PRKG1: variants seen among roughly 807,000 people sequenced by gnomAD.
PRKG1 encodes protein kinase cGMP-dependent 1.
A neutral mutation model predicts 88.1 loss-of-function variants in PRKG1; 35 were observed. The ratio of observed to expected loss-of-function variants is 0.40; its 90% CI spans 0.30 to 0.53. The LOEUF (loss-of-function observed/expected upper bound fraction) is 0.53, where lower values mean the gene tolerates loss of function less well. PRKG1 is among the 20% of genes least tolerant of loss of function. PRKG1 has a pLI of 0.59. For missense variants in PRKG1, 540 were observed against 839.8 expected, an observed-to-expected ratio of 0.64 and a Z score of 4.41; for synonymous variants, 303 against 292.5, an observed-to-expected ratio of 1.04 and a Z score of -0.37.
intron 8 of PRKG1, among the ~76,000 whole-genome samples, chr10:52,137,833 A>G (rs12782150): frequency 0.17 from 25,666 of 152,064 alleles, 2,580 homozygotes; most frequent in South Asian, 0.28. Context: ...GGCTGACTGT[A>G]TACTTTTGTA....
At chr10:51,727,142 T>C (rs1029266179) in intron 3 of PRKG1, among the ~76,000 whole-genome samples, 1 of 152,050 alleles carries the variant, frequency 6.6e-6, no homozygotes, top group African/African-American at 2.4e-5. Flanking sequence ...AACGAATGTC[T>C]TTTAAAGAAT....
rs190333135 is a variant in PRKG1, at chr10:52,156,180, A to C, written c.1002-5709A>C. Among the ~76,000 whole-genome samples, 94 of 151,944 alleles carry C rather than the reference A, an allele frequency of 6.2e-4. 1 individual carries two copies. Among genetic ancestry groups the C allele is most frequent in the Non-Finnish European group, 1.1e-3 (75 of 67,794 alleles). ...GTGTGTGTAAGTGTCTCTTGCAAAT[A>C]TAAACATGTGCATGATAAGAAAATA... On this transcript the variant is annotated intron_variant, in intron 8 of 17. Coordinates refer to ENST00000373980, the MANE Select transcript of PRKG1 (RefSeq NM_006258.4).
chr10:51,740,629 T>C (rs1200530898), intron 3 of PRKG1, among the ~76,000 whole-genome samples: 1 of 152,168 alleles, frequency 6.6e-6, no homozygotes, highest in African/African-American at 2.4e-5. Flanking sequence ...GAGAAAATAT[T>C]AGTATAAATG....
intron 3 of PRKG1, among the ~76,000 whole-genome samples, chr10:51,484,783 T>G (rs1253555243): frequency 6.6e-6 from 1 of 152,172 alleles, no homozygotes; most frequent in Non-Finnish European, 1.5e-5. Flanking sequence ...AAATCTGAAT[T>G]GTTATGCCTG....
chr10:51,541,586 T>A (rs1279065288), intron 3 of PRKG1, among the ~76,000 whole-genome samples: 2 of 152,184 alleles, frequency 1.3e-5, no homozygotes, highest in Non-Finnish European at 2.9e-5. Context: ...AAATGGGTAA[T>A]GGTCAAATAA....
At chr10:51,310,626 T>C (rs988423181) in intron 2 of PRKG1, among the ~76,000 whole-genome samples, 4 of 152,202 alleles carry the variant, frequency 2.6e-5, no homozygotes, top group Admixed American at 1.3e-4. Context: ...TTTTTGCTAC[T>C]ATGTAACTAT....
intron 5 of PRKG1, among the ~76,000 whole-genome samples, chr10:51,961,323 T>G (rs1251589897): frequency 6.6e-6 from 1 of 152,106 alleles, no homozygotes; most frequent in Non-Finnish European, 1.5e-5. Flanking sequence ...GGAATACTGT[T>G]TTTGATCTGC....
intron 7 of PRKG1, among the ~76,000 whole-genome samples, chr10:52,064,695 C>T (rs932914770): frequency 6.6e-6 from 1 of 152,168 alleles, no homozygotes; most frequent in Non-Finnish European, 1.5e-5. Context: ...GGCCCACAGT[C>T]GTGGCTTAGG....
chr10:51,907,590 G>T lies in PRKG1; in HGVS notation c.762+20G>T. 1.2e-6 allele frequency: 2 copies of T among 1,604,852 alleles called. No individual in the cohort carries two copies. The highest frequency in any genetic ancestry group is 8.5e-7 in the Non-Finnish European group (1 of 1,172,048). ...GAAGAGGTAATTGTTTTTAGCCTTT[G>T]AACTTTTTGAGATGGGATCCAGCCT... is the stretch of plus-strand genomic sequence containing the variant. On this transcript the variant is annotated intron_variant, in intron 5 of 17. Transcript: ENST00000373980.
intron 3 of PRKG1, among the ~76,000 whole-genome samples, chr10:51,618,324 A>G (rs1456742280): frequency 1.3e-5 from 2 of 152,222 alleles, no homozygotes; most frequent in Non-Finnish European, 2.9e-5. Flanking sequence ...TGTAGGTCAT[A>G]TAAAGTAACC....
chr10:52,125,262 G>A (rs191896054), intron 7 of PRKG1, among the ~76,000 whole-genome samples: 33 of 152,178 alleles, frequency 2.2e-4, no homozygotes, highest in Non-Finnish European at 2.9e-4. Context: ...TGGGACTATT[G>A]TTGCATATGT....
At chr10:51,665,737 A>AT (rs1840406595) in intron 3 of PRKG1, among the ~76,000 whole-genome samples, 1 of 149,148 alleles carries the variant, frequency 6.7e-6, no homozygotes, top group Non-Finnish European at 1.5e-5. Flanking sequence ...TTCTTCCTTC[A>AT]TTTTTTAAAA....
intron 3 of PRKG1, among the ~76,000 whole-genome samples, chr10:51,554,104 G>A (rs1837233499): frequency 7.2e-6 from 1 of 138,444 alleles, no homozygotes. Context: ...TATATTATAT[G>A]TGCGTATGTG....
At chr10:52,087,679 TAAATC>T (rs1846950668) in intron 7 of PRKG1, among the ~76,000 whole-genome samples, 1 of 152,186 alleles carries the variant, frequency 6.6e-6, no homozygotes, top group Admixed American at 6.6e-5. Flanking sequence ...CATTTTTAGA[TAAATC>T]AGAATAAAGC....
At chr10:51,859,906 G>T (rs146344954) in intron 4 of PRKG1, among the ~76,000 whole-genome samples, 1,722 of 152,158 alleles carry the variant, frequency 0.011, 12 homozygotes, top group Non-Finnish European at 0.018. Context: ...TTAGATCAGG[G>T]ATATTTTCTT....
chr10:51,306,051 A>G (rs946316595), intron 2 of PRKG1, among the ~76,000 whole-genome samples: 1 of 152,208 alleles, frequency 6.6e-6, no homozygotes, highest in African/African-American at 2.4e-5. Flanking sequence ...AGCTCTGGAA[A>G]GTAGACATTA....
chr10:51,615,014 ACTTTGAATATATCCAT>A (rs1839010109), intron 3 of PRKG1, among the ~76,000 whole-genome samples: 2 of 80,780 alleles, frequency 2.5e-5, no homozygotes, highest in Admixed American at 1.3e-4. Context: ...AATATATTCA[ACTTTGAATATATCCAT>A]CTTTGAATAT....
At chr10:51,706,827 T>C (rs947797896) in intron 3 of PRKG1, among the ~76,000 whole-genome samples, 2 of 152,162 alleles carry the variant, frequency 1.3e-5, no homozygotes, top group African/African-American at 4.8e-5. Context: ...TAATGTCACC[T>C]GTATTGGATT....
At chr10:52,184,121 T>C (rs1220590108) in intron 9 of PRKG1, among the ~76,000 whole-genome samples, 1 of 152,230 alleles carries the variant, frequency 6.6e-6, no homozygotes, top group South Asian at 2.1e-4. Flanking sequence ...CTTTGTCCCC[T>C]TCGTCAATCT....
Sources: gnomAD v4.1 joint callset for allele counts (sites outside exome capture counted in the v4.1 genomes callset) on GRCh38, gnomAD v4.1.1 for gene constraint, MANE v1.5 for transcripts, NCBI Gene and HGNC (gene_info 2026-07-23, HGNC 2026-07-21) for gene names.